Variants in PHKB observed in about 807,000 individuals in gnomAD.
PHKB encodes the protein phosphorylase kinase regulatory subunit beta.
In PHKB, 122 loss-of-function variants were observed where a neutral mutation model predicts 152.1. The ratio of observed to expected loss-of-function variants is 0.80; its 90% CI spans 0.69 to 0.93. PHKB has a LOEUF of 0.93. Among genes scored for constraint, PHKB ranks in the 40% least tolerant of loss-of-function variants. The probability of loss-of-function intolerance (pLI) is 0.00; values close to 1 mark genes in which losing one functional copy is unlikely to be tolerated. For missense variants in PHKB, 1,304 were observed against 1,328.4 expected, an observed-to-expected ratio of 0.98 and a Z score of 0.29; for synonymous variants, 436 against 464.9, an observed-to-expected ratio of 0.94 and a Z score of 0.80.
chr16:47,490,199 C>A (rs1311662802), intron 1 of PHKB, among the ~76,000 whole-genome samples: 1 of 151,504 alleles, frequency 6.6e-6, no homozygotes. Context: ...TCCAATATTA[C>A]AATCTACAAA....
chr16:47,613,261 G>A (rs376960738), intron 14 of PHKB, among the ~76,000 whole-genome samples: 2 of 152,182 alleles, frequency 1.3e-5, no homozygotes, highest in African/African-American at 4.8e-5. Context: ...CATGGGGCAA[G>A]TCCTGAGGAA....
At chr16:47,640,938 T>G in intron 14 of PHKB, 97 bp from the exon 15 acceptor site, 1 of 1,150,734 alleles carries the variant, frequency 8.7e-7, no homozygotes, top group Admixed American at 1.7e-5. Context: ...TTTAATGAAC[T>G]GCTTAGAGAT....
intron 14 of PHKB, among the ~76,000 whole-genome samples, chr16:47,623,371 T>G (rs986287417): frequency 5.3e-5 from 8 of 152,058 alleles, no homozygotes; most frequent in Admixed American, 4.6e-4. Flanking sequence ...TGTATTCAAC[T>G]TAGAAAGAAA....
At chr16:47,486,643 T>C (rs1970054484) in intron 1 of PHKB, among the ~76,000 whole-genome samples, 1 of 152,142 alleles carries the variant, frequency 6.6e-6, no homozygotes, top group African/African-American at 2.4e-5. Flanking sequence ...TCTGCAACCT[T>C]TGTGCCCTCG....
chr16:47,665,131 CTT>C, intron 25 of PHKB, 156 bp downstream of exon 25: 2 of 640,380 alleles, frequency 3.1e-6, no homozygotes, highest in Non-Finnish European at 5.6e-6. Context: ...TAGTTATTGA[CTT>C]AATTTTCTTT....
intron 6 of PHKB, among the ~76,000 whole-genome samples, chr16:47,528,263 CCTTGCTCT>C (rs1445620825): frequency 6.6e-6 from 1 of 151,748 alleles, no homozygotes; most frequent in Non-Finnish European, 1.5e-5. Context: ...TTTTTTTGCC[CCTTGCTCT>C]CTTGAGAACC....
chr16:47,495,610 A>C (rs1970218594), intron 1 of PHKB, among the ~76,000 whole-genome samples: 1 of 152,174 alleles, frequency 6.6e-6, no homozygotes, highest in South Asian at 2.1e-4. Context: ...ATTTTCTTTC[A>C]TAGTGAATGA....
At position 47,616,596 on chromosome 16, in the gene PHKB, TATA is replaced by T. The variant is rs527852944; in HGVS notation, c.1458+5680_1458+5682del. On this transcript the variant is annotated intron_variant, in intron 14 of 30. Coordinates refer to ENST00000323584, the MANE Select transcript of PHKB (RefSeq NM_000293.3). ...TACATATAAATATCATATATTAATA[TATA>T]ATATTTTACATATAAATATCATATA... 1.6e-3 allele frequency among the ~76,000 whole-genome samples: 235 copies of T among 145,920 alleles called. 1 individual carries two copies. Among genetic ancestry groups the T allele is most frequent in the African/African-American group, 5.5e-3 (222 of 40,326 alleles).
chr16:47,547,702 T>C, intron 7 of PHKB, 154 bp downstream of exon 7: 1 of 612,262 alleles, frequency 1.6e-6, no homozygotes, highest in Non-Finnish European at 2.9e-6. Context: ...CACTTAAAAT[T>C]AACACAAAAG....
chr16:47,515,653 A>T (rs745837676), intron 6 of PHKB, 52 bp downstream of exon 6: 20 of 631,952 alleles, frequency 3.2e-5, no homozygotes, highest in African/African-American at 2.8e-4. Flanking sequence ...GAAAATATCT[A>T]TTTTTTTTTT....
Position 47,658,809 on chromosome 16 carries a change from AGTGTGT to A in PHKB, c.1972-1660_1972-1655del, listed in dbSNP as rs36066227. Reference sequence around the variant, plus strand: ...TCTTGGTCATTAAGCAATGCATGACAGTGTGTGTGTGTGTGTGTGTGTGTGTGTGTG... The same window carrying A: ...TCTTGGTCATTAAGCAATGCATGACAGTGTGTGTGTGTGTGTGTGTGTGTG... On this transcript the variant is annotated intron_variant, in intron 20 of 30. Transcript: ENST00000323584. Among the ~76,000 whole-genome samples the A allele has an allele frequency of 6.0e-4, 85 of 140,828 alleles. 1 individual carries two copies. The highest frequency in any genetic ancestry group is 1.3e-3 in the East Asian group (6 of 4,732). The allele number at this position is 140,828 out of a possible 152,430, so 92.4% of individuals were successfully genotyped here. A position where few individuals can be genotyped will look rare whatever the true frequency, so the allele number is the denominator to read the frequency against.
At chr16:47,682,660 T>C (rs958892734) in intron 26 of PHKB, among the ~76,000 whole-genome samples, 7 of 152,316 alleles carry the variant, frequency 4.6e-5, no homozygotes, top group Non-Finnish European at 7.3e-5. Context: ...AGTTATCCAT[T>C]CGTCTAATCT....
chr16:47,572,306 A>G (rs1971674591), intron 7 of PHKB, among the ~76,000 whole-genome samples: 2 of 152,206 alleles, frequency 1.3e-5, no homozygotes, highest in African/African-American at 4.8e-5. Flanking sequence ...TGAGTCTCTC[A>G]GGGTTTGATA....
At chr16:47,469,995 G>T (rs1597008858) in intron 1 of PHKB, among the ~76,000 whole-genome samples, 1 of 152,280 alleles carries the variant, frequency 6.6e-6, no homozygotes, top group East Asian at 1.9e-4. Context: ...AACTTTTTAA[G>T]CAGCTAATCT....
rs1770816426 is a variant in PHKB at position 47,587,528 on chromosome 16, C to A, written c.775-140C>A. Reference sequence around the variant, plus strand: ...ATTTGAGAAATATTGAAAGTACAAACAAAATTTAAATCTTCTGGAACTCCA... The same window carrying A: ...ATTTGAGAAATATTGAAAGTACAAAAAAAATTTAAATCTTCTGGAACTCCA... On this transcript the variant is annotated intron_variant, in intron 8 of 30. Coordinates refer to ENST00000323584, the MANE Select transcript of PHKB (RefSeq NM_000293.3). 4 of 635,006 alleles carry A rather than the reference C, an allele frequency of 6.3e-6. 1 individual carries two copies. The South Asian group carries it at 7.1e-5, about 11-fold the overall frequency. The allele number at this position is 635,006 out of a possible 1,614,324, so 39.3% of individuals were successfully genotyped here. A position where few individuals can be genotyped will look rare whatever the true frequency, so the allele number is the denominator to read the frequency against.
chr16:47,538,355 G>A (rs781511525), intron 6 of PHKB, among the ~76,000 whole-genome samples: 2 of 152,246 alleles, frequency 1.3e-5, no homozygotes, highest in East Asian at 1.9e-4. Flanking sequence ...AAGGTAGCCC[G>A]AGTTGGGTAA....
At chr16:47,506,149 C>A (rs1043806393) in intron 4 of PHKB, among the ~76,000 whole-genome samples, 2 of 149,312 alleles carry the variant, frequency 1.3e-5, no homozygotes, top group Non-Finnish European at 3.0e-5. Context: ...GTCAGGAGTT[C>A]GAGACCAGCC....
At chr16:47,576,506 C>A (rs1417463319) in intron 7 of PHKB, among the ~76,000 whole-genome samples, 1 of 152,130 alleles carries the variant, frequency 6.6e-6, no homozygotes, top group African/African-American at 2.4e-5. Context: ...TCCTCTGTAT[C>A]CTTGCTGGTT....
At chr16:47,599,441 C>T (rs1290079927) in intron 13 of PHKB, among the ~76,000 whole-genome samples, 1 of 152,070 alleles carries the variant, frequency 6.6e-6, no homozygotes, top group Admixed American at 6.6e-5. Context: ...ATTGACTACA[C>T]CCTACATAAG....
Sources: gnomAD v4.1 joint callset for allele counts (sites outside exome capture counted in the v4.1 genomes callset) on GRCh38, gnomAD v4.1.1 for gene constraint, MANE v1.5 for transcripts, NCBI Gene and HGNC (gene_info 2026-07-23, HGNC 2026-07-21) for gene names.